KCTD16: variants seen among roughly 807,000 people sequenced by gnomAD.
The protein encoded by KCTD16 is potassium channel tetramerization domain containing 16, also known as BTB/POZ domain-containing protein KCTD16.
Under a neutral mutation model 33.2 loss-of-function variants are expected in KCTD16, and 13 were observed. That is an observed-to-expected ratio of 0.39 (90% CI 0.25 to 0.62). The LOEUF (loss-of-function observed/expected upper bound fraction) is 0.62. Ranked by LOEUF, KCTD16 falls within the 20% of genes least tolerant of loss-of-function variation. The probability of loss-of-function intolerance (pLI) is 0.50; values close to 1 mark genes in which losing one functional copy is unlikely to be tolerated. For missense variants in KCTD16, 441 were observed against 525.1 expected (o/e 0.84, Z 1.57); for synonymous variants, 197 against 195.3 (o/e 1.01, Z -0.07).
At chr5:144,417,195 G>T (rs1167845756) in intron 3 of KCTD16, among the ~76,000 whole-genome samples, 2 of 152,150 alleles carry the variant, frequency 1.3e-5, no homozygotes, top group African/African-American at 4.8e-5. Flanking sequence ...TGGAGTGGCT[G>T]AATATTCAGG....
intron 3 of KCTD16, among the ~76,000 whole-genome samples, chr5:144,408,503 C>T (rs751045967): frequency 9.9e-5 from 15 of 152,134 alleles, no homozygotes; most frequent in Non-Finnish European, 1.9e-4. Flanking sequence ...CCAGAAAATA[C>T]ATTAGAAATG....
Position 144,477,204 on chromosome 5 carries a change from A to T in KCTD16, c.*3090A>T, listed in dbSNP as rs1157049076. On this transcript the variant is annotated 3_prime_UTR_variant, in exon 4 of 4. Transcript: ENST00000512467. ...ATGTAAAACTACTAGATCATATGGT[A>T]TTGTGATTTTCTTTCCCCTGCTAGG... is the stretch of plus-strand genomic sequence containing the variant. The T allele has an allele frequency of 6.6e-6, 1 of 152,252 alleles. No homozygotes were observed. Among genetic ancestry groups the T allele is most frequent in the East Asian group, 1.9e-4 (1 of 5,168 alleles). The allele number at this position is 152,252 out of a possible 1,614,324, so 9.4% of individuals were successfully genotyped here. A position where few individuals can be genotyped will look rare whatever the true frequency, so the allele number is the denominator to read the frequency against.
intron 3 of KCTD16, among the ~76,000 whole-genome samples, chr5:144,301,751 A>C (rs1318228411): frequency 6.6e-6 from 1 of 152,222 alleles, no homozygotes; most frequent in East Asian, 1.9e-4. Flanking sequence ...TGCTTCCCTT[A>C]GCAACCAAGT....
chr5:144,230,594 AG>A (rs1754073241), intron 3 of KCTD16, among the ~76,000 whole-genome samples: 2 of 151,580 alleles, frequency 1.3e-5, no homozygotes, highest in Admixed American at 6.6e-5. Context: ...AAATAGGAAA[AG>A]TTTTTTTTTT....
intron 3 of KCTD16, among the ~76,000 whole-genome samples, chr5:144,254,863 G>A (rs1369931545): frequency 1.3e-5 from 2 of 152,024 alleles, no homozygotes; most frequent in South Asian, 2.1e-4. Context: ...GGATTCATGC[G>A]ATCCTCCCAC....
chr5:144,311,346 A>G (rs1372530444), intron 3 of KCTD16, among the ~76,000 whole-genome samples: 1 of 152,212 alleles, frequency 6.6e-6, no homozygotes, highest in African/African-American at 2.4e-5. Context: ...AGATTATGTG[A>G]GTCATTACTT....
intron 2 of KCTD16, among the ~76,000 whole-genome samples, chr5:144,199,398 C>T (rs1254363116): frequency 1.3e-5 from 2 of 152,126 alleles, no homozygotes; most frequent in Non-Finnish European, 2.9e-5. Flanking sequence ...GGGAATAACA[C>T]GACATGGATC....
rs1228926261 is a variant in KCTD16 at position 144,222,228 on chromosome 5, C to CT, written c.832+14689dup. 3.3e-5 allele frequency among the ~76,000 whole-genome samples: 5 copies of CT among 151,922 alleles called. No homozygotes were observed. The East Asian group carries it at 5.8e-4, about 18-fold the overall frequency. ...TTCTGTAGGTTGCCAGTTCTAACTG[C>CT]TTTTTTTAGAGAGTTGCAAAAGCAT... On this transcript the variant is annotated intron_variant, in intron 3 of 3. Transcript: ENST00000512467.
intron 1 of KCTD16, among the ~76,000 whole-genome samples, chr5:144,173,513 A>G (rs902294327): frequency 6.6e-6 from 1 of 152,158 alleles, no homozygotes; most frequent in Non-Finnish European, 1.5e-5. Flanking sequence ...AAAAATAACT[A>G]ATAGATACTA....
chr5:144,254,359 G>T (rs1423437779), intron 3 of KCTD16, among the ~76,000 whole-genome samples: 1 of 151,344 alleles, frequency 6.6e-6, no homozygotes, highest in Non-Finnish European at 1.5e-5. Context: ...TTGCCAGGAT[G>T]GTCTTGATCT....
chr5:144,210,090 G>T (rs1305797687), intron 3 of KCTD16, among the ~76,000 whole-genome samples: 2 of 151,830 alleles, frequency 1.3e-5, no homozygotes, highest in African/African-American at 4.8e-5. Flanking sequence ...GAGACTTCTT[G>T]TTTCCCTGTT....
intron 3 of KCTD16, among the ~76,000 whole-genome samples, chr5:144,407,015 C>A (rs1167905889): frequency 6.6e-6 from 1 of 151,928 alleles, no homozygotes; most frequent in African/African-American, 2.4e-5. Flanking sequence ...TTCCCTTGGC[C>A]CTGGGATGAG....
At chr5:144,232,792 T>C (rs1186145339) in intron 3 of KCTD16, among the ~76,000 whole-genome samples, 1 of 152,166 alleles carries the variant, frequency 6.6e-6, no homozygotes, top group Non-Finnish European at 1.5e-5. Flanking sequence ...TAACCCACCG[T>C]GTCAAAAATA....
intron 3 of KCTD16, among the ~76,000 whole-genome samples, chr5:144,235,550 C>T (rs1264614921): frequency 1.3e-5 from 2 of 152,200 alleles, no homozygotes; most frequent in African/African-American, 4.8e-5. Context: ...GATTTGACAG[C>T]AGCTACCTTA....
At chr5:144,309,539 G>C (rs2126876403) in intron 3 of KCTD16, among the ~76,000 whole-genome samples, 1 of 152,244 alleles carries the variant, frequency 6.6e-6, no homozygotes, top group East Asian at 1.9e-4. Context: ...AAATGGGCCA[G>C]GGCAATTTGT....
At chr5:144,401,188 G>A (rs549618881) in intron 3 of KCTD16, among the ~76,000 whole-genome samples, 1 of 152,258 alleles carries the variant, frequency 6.6e-6, no homozygotes, top group South Asian at 2.1e-4. Flanking sequence ...TTCCTGCCAA[G>A]GATGGGATAT....
At chr5:144,395,458 A>G (rs563283986) in intron 3 of KCTD16, among the ~76,000 whole-genome samples, 2 of 152,288 alleles carry the variant, frequency 1.3e-5, no homozygotes, top group East Asian at 1.9e-4. Flanking sequence ...TTCTGCTGCA[A>G]TAAAGTTCTT....
intron 3 of KCTD16, among the ~76,000 whole-genome samples, chr5:144,447,521 C>T (rs1284572803): frequency 6.6e-6 from 1 of 151,262 alleles, no homozygotes; most frequent in Non-Finnish European, 1.5e-5. Context: ...CAAACCTGCA[C>T]GTTCCACACA....
At chr5:144,184,979 AAT>A (rs1444720168) in intron 2 of KCTD16, among the ~76,000 whole-genome samples, 1 of 152,214 alleles carries the variant, frequency 6.6e-6, no homozygotes, top group Admixed American at 6.5e-5. Context: ...CTCAGTAATA[AAT>A]ATAAAATAAT....
Sources: gnomAD v4.1 joint callset for allele counts (sites outside exome capture counted in the v4.1 genomes callset) on GRCh38, gnomAD v4.1.1 for gene constraint, MANE v1.5 for transcripts, NCBI Gene and HGNC (gene_info 2026-07-23, HGNC 2026-07-21) for gene names.